Variants in ZNF17 observed in about 807,000 individuals in gnomAD.
ZNF17 encodes the protein zinc finger protein 17.
ZNF17 carries 4 observed loss-of-function variants against 7.7 expected under a neutral mutation model. That is an observed-to-expected ratio of 0.52 (90% CI 0.26 to 1.20). ZNF17 has a LOEUF of 1.20. Ranked by LOEUF, ZNF17 falls within the 50% of genes most tolerant of loss-of-function variation. The pLI is 0.14. For synonymous variants in ZNF17, 249 were observed against 258.8 expected, an observed-to-expected ratio of 0.96 and a Z score of 0.36; for missense variants, 738 against 799.5, an observed-to-expected ratio of 0.92 and a Z score of 0.93.
chr19:57,417,022 A>G (rs2088815224), intron 2 of ZNF17, among the ~76,000 whole-genome samples: 1 of 152,186 alleles, frequency 6.6e-6, no homozygotes, highest in Admixed American at 6.5e-5. Flanking sequence ...AGGGAAGTGT[A>G]TCAGTGATTG....
intron 1 of ZNF17, among the ~76,000 whole-genome samples, chr19:57,412,243 C>G (rs1408704679): frequency 6.6e-6 from 1 of 152,148 alleles, no homozygotes; most frequent in African/African-American, 2.4e-5. Context: ...CAGGCCCACT[C>G]TGTGGAACAA....
chr19:57,418,044 GC>G lies in ZNF17; in HGVS notation c.148+9del. On this transcript the variant is annotated splice_region_variant and intron_variant, in intron 3 of 3. Coordinates refer to ENST00000307658, the MANE Select transcript of ZNF17 (RefSeq NM_001330617.2). ...TGCACTTTTGTCCTCAGTAGGTAAG[GC>G]CCTGACACCTACGTCAGTGTCTTGT... The G allele has an allele frequency of 6.2e-7, 1 of 1,610,582 alleles. No homozygotes were observed. Among genetic ancestry groups the G allele is most frequent in the African/African-American group, 1.3e-5 (1 of 74,826 alleles).
chr19:57,411,608 C>A, intron 1 of ZNF17: 1 of 1,391,820 alleles, frequency 7.2e-7, no homozygotes, highest in African/African-American at 1.5e-5. Flanking sequence ...GCAGAGCGGG[C>A]GGCACTGGGG....
chr19:57,417,138 A>C (rs577292718), intron 2 of ZNF17, among the ~76,000 whole-genome samples: 1 of 152,302 alleles, frequency 6.6e-6, no homozygotes, highest in South Asian at 2.1e-4. Context: ...ACCTGGATGA[A>C]ATGATTTTTA....
intron 2 of ZNF17, among the ~76,000 whole-genome samples, chr19:57,415,292 A>C (rs1172827061): frequency 6.6e-6 from 1 of 152,134 alleles, no homozygotes; most frequent in Non-Finnish European, 1.5e-5. Flanking sequence ...GGCCTTGTTG[A>C]GAAGGTTGGA....
chr19:57,413,750 A>G (rs764590478), intron 2 of ZNF17, 114 bp downstream of exon 2: 67 of 1,328,438 alleles, frequency 5.0e-5, no homozygotes, highest in Middle Eastern at 3.6e-4. Context: ...CCTTGGGTCC[A>G]AGGAGAGCCT....
In ZNF17 at chr19:57,420,952, GTCA is replaced by G. The variant is rs763734350; in HGVS notation, c.1470_1472del (p.His490del). On this transcript the variant is annotated inframe_deletion, in exon 4 of 4. Transcript: ENST00000307658. ...TTTGTGGACAGCTGTACACTGAAGA[GTCA>G]TCAGAGAGTTCACACTGGAGAAAGA... The G allele has an allele frequency of 6.2e-7, 1 of 1,613,948 alleles. No individual in the cohort carries two copies. The highest frequency in any genetic ancestry group is 1.1e-5 in the South Asian group (1 of 91,072).
intron 3 of ZNF17, 91 bp downstream of exon 3, chr19:57,418,129 A>T (rs1198478904): frequency 3.7e-5 from 55 of 1,488,676 alleles, no homozygotes; most frequent in Non-Finnish European, 5.0e-5. Context: ...CAGGTCATGG[A>T]TGCTGCATCC....
intron 1 of ZNF17, among the ~76,000 whole-genome samples, chr19:57,412,414 C>T (rs1002275343): frequency 6.6e-6 from 1 of 151,844 alleles, no homozygotes; most frequent in African/African-American, 2.4e-5. Context: ...CTTATCCCCT[C>T]CCTGCAACTT....
Position 57,420,543 on chromosome 19 carries a change from G to A in ZNF17, c.1057G>A (p.Val353Ile). The A allele has an allele frequency of 6.2e-7, 1 of 1,613,310 alleles. No individual in the cohort carries two copies. The highest frequency in any genetic ancestry group is 1.1e-5 in the South Asian group (1 of 91,038). The change falls in exon 4 of 4, where the codon GTT (valine) becomes ATT (isoleucine). Residue 353 changes from valine (V) to isoleucine (I), a missense_variant. Physicochemically the swap from Val to Ile is conservative, Grantham distance 29. This residue lies in a region of ZNF17 where 616 missense variants were observed against 663.9 expected (regional missense o/e 0.93). Transcript: ENST00000307658. ...TTCAGCACTCATTAGACATCAGAAAGTTCACACTGGAGAAAGGCCTTTTTA... is the reference window on the plus strand; with the variant it reads ...TTCAGCACTCATTAGACATCAGAAAATTCACACTGGAGAAAGGCCTTTTTA... ...YSSALIRHQK[V>I]HTGERPFYCC...
In ZNF17 at chr19:57,421,397, G is replaced by A. The variant is rs2088851222; in HGVS notation, c.1911G>A (p.Glu637=). ...LIKHRRIHTG[E]RPYQCSECGR... ...AACATCGGAGAATTCACACTGGAGA[G>A]AGACCTTATCAGTGCAGTGAATGTG... is the stretch of plus-strand genomic sequence containing the variant. Residue 637 remains glutamate, a synonymous_variant, in exon 4 of 4, where the codon GAG becomes GAA. Transcript: ENST00000307658. The A allele has an allele frequency of 6.2e-7, 1 of 1,613,980 alleles. No homozygotes were observed.
rs758071846 is a variant in ZNF17 at position 57,420,648 on chromosome 19, T to C, written c.1162T>C (p.Tyr388His). The change falls in exon 4 of 4, where the codon TAT becomes CAT. Residue 388 changes from tyrosine to histidine, a missense_variant. This residue lies in a region of ZNF17 where 616 missense variants were observed against 663.9 expected (regional missense o/e 0.93). Transcript: ENST00000307658. ...GAGAGTTCATACTGGAGAAAAACCT[T>C]ATGAATGCAACGAATGTGGGAAATT... Reference protein sequence around the residue: ...HQRVHTGEKPYECNECGKFFR... With the variant: ...HQRVHTGEKPHECNECGKFFR... The C allele has an allele frequency of 7.4e-6, 12 of 1,613,190 alleles. No homozygotes were observed. The highest frequency in any genetic ancestry group is 1.0e-5 in the Non-Finnish European group (12 of 1,179,414).
intron 1 of ZNF17, among the ~76,000 whole-genome samples, chr19:57,412,193 G>T (rs931741290): frequency 6.6e-6 from 1 of 152,130 alleles, no homozygotes; most frequent in Non-Finnish European, 1.5e-5. Flanking sequence ...TGAGGTGTGA[G>T]GTGGTTTAGA....
chr19:57,414,096 C>T (rs184809220), intron 2 of ZNF17, among the ~76,000 whole-genome samples: 5 of 152,060 alleles, frequency 3.3e-5, no homozygotes, highest in East Asian at 1.9e-4. Flanking sequence ...TGCAGTGGCG[C>T]GATCTCAGCT....
intron 1 of ZNF17, among the ~76,000 whole-genome samples, chr19:57,412,846 A>G (rs2088787042): frequency 6.6e-6 from 1 of 151,888 alleles, no homozygotes; most frequent in Admixed American, 6.6e-5. Flanking sequence ...AGTTAAATTT[A>G]TTCACTTAAT....
In ZNF17 at chr19:57,420,646, C is replaced by G; in HGVS notation, c.1160C>G (p.Pro387Arg). The change falls in exon 4 of 4, where the codon CCT (proline) becomes CGT (arginine). Residue 387 changes from proline (P) to arginine (R), a missense_variant. Around this residue, in one of 3 missense-constraint regions of ZNF17, gnomAD observed 616 missense variants for 663.9 expected, o/e 0.93. Coordinates refer to ENST00000307658, the MANE Select transcript of ZNF17 (RefSeq NM_001330617.2). The part of the protein sequence containing the change: ...IHQRVHTGEK[P>R]YECNECGKFF... ...CAGAGAGTTCATACTGGAGAAAAAC[C>G]TTATGAATGCAACGAATGTGGGAAA... 1 of 1,613,294 alleles carries G rather than the reference C, an allele frequency of 6.2e-7. No individual in the cohort carries two copies. The highest frequency in any genetic ancestry group is 8.5e-7 in the Non-Finnish European group (1 of 1,179,400).
Position 57,420,602 on chromosome 19 carries a change from C to CT in ZNF17, c.1117dup (p.Cys373LeufsTer17), listed in dbSNP as rs2088843272. 6.2e-7 allele frequency: 1 copy of CT among 1,613,970 alleles called. No homozygotes were observed. Among genetic ancestry groups the CT allele is most frequent in the African/African-American group, 1.3e-5 (1 of 74,982 alleles). On this transcript the variant is annotated frameshift_variant, in exon 4 of 4. Transcript: ENST00000307658. LOFTEE classifies it low-confidence loss of function (END_TRUNC). ...AATGTGGGAAATTCTTTATGGACAGCTGCACACTCATTATTCACCAGAGAG... is the reference window on the plus strand; with the variant it reads ...AATGTGGGAAATTCTTTATGGACAGCTTGCACACTCATTATTCACCAGAGAG...
At chr19:57,418,783 T>C (rs936721269) in intron 3 of ZNF17, among the ~76,000 whole-genome samples, 1 of 152,180 alleles carries the variant, frequency 6.6e-6, no homozygotes, top group African/African-American at 2.4e-5. Context: ...CATGTCTCTC[T>C]TTTCTTCCCT....
chr19:57,418,115 A>G, intron 3 of ZNF17, 77 bp downstream of exon 3: 3 of 1,548,818 alleles, frequency 1.9e-6, no homozygotes, highest in Non-Finnish European at 1.8e-6. Context: ...TCTCCGTCTC[A>G]CACCAGGTCA....
Sources: gnomAD v4.1 joint callset for allele counts (sites outside exome capture counted in the v4.1 genomes callset) on GRCh38, gnomAD v4.1.1 for gene constraint, gnomAD v4.1.1 regional missense constraint, MANE v1.5 for transcripts, NCBI Gene and HGNC (gene_info 2026-07-23, HGNC 2026-07-21) for gene names.